RGS20: variants seen among roughly 807,000 people sequenced by gnomAD.
RGS20 encodes the protein regulator of G protein signaling 20.
In RGS20, 30 loss-of-function variants were observed where a neutral mutation model predicts 33.6. The observed-to-expected ratio is 0.89, with a 90% CI of 0.67 to 1.21. RGS20 has a LOEUF of 1.21. Among genes scored for constraint, RGS20 ranks in the 50% most tolerant of loss-of-function variants. The pLI is 0.00. For synonymous variants in RGS20, 208 were observed against 197.9 expected, an observed-to-expected ratio of 1.05 and a Z score of -0.43; for missense variants, 472 against 502.4, an observed-to-expected ratio of 0.94 and a Z score of 0.58.
At chr8:53,861,216 C>G (rs1563338067) in intron 1 of RGS20, among the ~76,000 whole-genome samples, 1 of 152,172 alleles carries the variant, frequency 6.6e-6, no homozygotes, top group African/African-American at 2.4e-5. Context: ...TGTTTATCTC[C>G]TATTCCCACC....
chr8:53,886,546 T>G (rs939498031), intron 2 of RGS20, among the ~76,000 whole-genome samples: 4 of 152,240 alleles, frequency 2.6e-5, no homozygotes, highest in African/African-American at 9.6e-5. Flanking sequence ...TTTATTTTAT[T>G]CTAAAGTGTA....
intron 2 of RGS20, among the ~76,000 whole-genome samples, chr8:53,916,420 G>T (rs1034534896): frequency 1.4e-4 from 21 of 151,640 alleles, no homozygotes; most frequent in African/African-American, 4.8e-4. Flanking sequence ...ACTTCCCCTT[G>T]GGATCTATTT....
chr8:53,914,358 G>C (rs1563392768), intron 2 of RGS20, among the ~76,000 whole-genome samples: 1 of 152,024 alleles, frequency 6.6e-6, no homozygotes, highest in Non-Finnish European at 1.5e-5. Context: ...CTTAACCTTG[G>C]TACTTTGGGT....
intron 2 of RGS20, among the ~76,000 whole-genome samples, chr8:53,909,802 T>C (rs895378410): frequency 6.6e-6 from 1 of 152,206 alleles, no homozygotes; most frequent in Non-Finnish European, 1.5e-5. Context: ...ATTAAATGTG[T>C]ATGATACACT....
At position 53,882,887 on chromosome 8, in the gene RGS20, G is replaced by T. The variant is rs911993429; in HGVS notation, c.510+3285G>T. Among the ~76,000 whole-genome samples, 4 of 152,234 alleles carry T rather than the reference G, an allele frequency of 2.6e-5. No individual in the cohort carries two copies. In the East Asian group the frequency reaches 5.8e-4, roughly 22 times the overall value. The stretch of plus-strand genomic sequence containing the variant: ...AGCCACCCTCCTTGGGACACAAGTG[G>T]CAGGGCCCTGGCGTGGCTTGGCTTC... On this transcript the variant is annotated intron_variant, in intron 2 of 5. Coordinates refer to ENST00000297313, the MANE Select transcript of RGS20 (RefSeq NM_170587.4).
At chr8:53,925,771 A>T (rs929587161) in intron 2 of RGS20, among the ~76,000 whole-genome samples, 1 of 152,084 alleles carries the variant, frequency 6.6e-6, no homozygotes. Flanking sequence ...TAAGATATTC[A>T]AGGTCAGTGT....
intron 1 of RGS20, among the ~76,000 whole-genome samples, chr8:53,862,725 G>A (rs1454839834): frequency 6.6e-6 from 1 of 152,180 alleles, no homozygotes; most frequent in African/African-American, 2.4e-5. Flanking sequence ...CTTGAGCCCA[G>A]GAGTTAGAGA....
At chr8:53,957,770 T>C (rs930113060) in intron 5 of RGS20, among the ~76,000 whole-genome samples, 5 of 152,326 alleles carry the variant, frequency 3.3e-5, no homozygotes, top group Non-Finnish European at 7.3e-5. Flanking sequence ...GCCACTGACA[T>C]TTGAGAACTG....
At chr8:53,950,804 G>C (rs565409471) in intron 4 of RGS20, among the ~76,000 whole-genome samples, 2 of 152,008 alleles carry the variant, frequency 1.3e-5, no homozygotes, top group South Asian at 4.2e-4. Flanking sequence ...TAGTAGAGAC[G>C]GGGTTTCACC....
At chr8:53,876,345 G>C (rs1275246467) in intron 1 of RGS20, 1 of 152,218 alleles carries the variant, frequency 6.6e-6, no homozygotes, top group Non-Finnish European at 1.5e-5. Context: ...AGGCACTCTG[G>C]TTGCTGTTCA....
chr8:53,916,807 G>A (rs953620751), intron 2 of RGS20, among the ~76,000 whole-genome samples: 1 of 152,136 alleles, frequency 6.6e-6, no homozygotes, highest in Non-Finnish European at 1.5e-5. Context: ...GGAAGTCCAA[G>A]ATCAAGGCAC....
chr8:53,927,941 T>C (rs1813850386), intron 2 of RGS20, among the ~76,000 whole-genome samples: 1 of 152,184 alleles, frequency 6.6e-6, no homozygotes, highest in Non-Finnish European at 1.5e-5. Context: ...AGTGGTATAA[T>C]AAAAGAATAA....
chr8:53,882,488 T>G (rs1235767414), intron 2 of RGS20, among the ~76,000 whole-genome samples: 1 of 152,066 alleles, frequency 6.6e-6, no homozygotes, highest in African/African-American at 2.4e-5. Context: ...CCACGGGCGA[T>G]GCACGGAGTG....
chr8:53,865,959 C>G (rs558653194), intron 1 of RGS20, among the ~76,000 whole-genome samples: 18 of 152,298 alleles, frequency 1.2e-4, no homozygotes, highest in Admixed American at 1.2e-3. Flanking sequence ...TCCTGAGGCT[C>G]ACAGAGCTCA....
chr8:53,943,838 G>C (rs1286466405), intron 3 of RGS20, among the ~76,000 whole-genome samples: 1 of 152,040 alleles, frequency 6.6e-6, no homozygotes, highest in Admixed American at 6.6e-5. Context: ...GTCATGCAGA[G>C]AGCGTACCAC....
At chr8:53,937,788 C>T (rs1256059252) in intron 2 of RGS20, among the ~76,000 whole-genome samples, 1 of 152,170 alleles carries the variant, frequency 6.6e-6, no homozygotes, top group Non-Finnish European at 1.5e-5. Context: ...AAAAAAAGCT[C>T]ATCATCACTG....
At chr8:53,904,701 G>A (rs1362458063) in intron 2 of RGS20, among the ~76,000 whole-genome samples, 2 of 152,176 alleles carry the variant, frequency 1.3e-5, no homozygotes, top group African/African-American at 4.8e-5. Context: ...TTATCACTGG[G>A]AATGCACCCC....
intron 2 of RGS20, among the ~76,000 whole-genome samples, chr8:53,904,184 G>A (rs1343609976): frequency 6.6e-6 from 1 of 150,388 alleles, no homozygotes; most frequent in Non-Finnish European, 1.5e-5. Flanking sequence ...GTGTAGTGGT[G>A]TGATCTCTGC....
intron 2 of RGS20, among the ~76,000 whole-genome samples, chr8:53,935,477 C>T (rs1164114123): frequency 6.6e-6 from 1 of 152,160 alleles, no homozygotes; most frequent in African/African-American, 2.4e-5. Flanking sequence ...TTATAAACAC[C>T]TCTACACAAA....
Sources: gnomAD v4.1 joint callset for allele counts (sites outside exome capture counted in the v4.1 genomes callset) on GRCh38, gnomAD v4.1.1 for gene constraint, MANE v1.5 for transcripts, NCBI Gene and HGNC (gene_info 2026-07-23, HGNC 2026-07-21) for gene names.